Variants in GLCCI1 observed in about 807,000 individuals in gnomAD.
The protein encoded by GLCCI1 is glucocorticoid-induced transcript 1 protein.
GLCCI1 carries 24 observed loss-of-function variants against 52.2 expected under a neutral mutation model. The ratio of observed to expected loss-of-function variants is 0.46; its 90% CI spans 0.33 to 0.65. The LOEUF (loss-of-function observed/expected upper bound fraction) is 0.65. GLCCI1 is among the 30% of genes least tolerant of loss of function. GLCCI1 has a pLI of 0.02. For synonymous variants in GLCCI1, 310 were observed against 276.5 expected, an observed-to-expected ratio of 1.12 and a Z score of -1.20; for missense variants, 704 against 701.5, an observed-to-expected ratio of 1.00 and a Z score of -0.04.
chr7:8,003,956 G>A lies in GLCCI1; in HGVS notation c.506G>A (p.Arg169Gln), dbSNP rs267601577. The change falls in exon 2 of 8, where the codon CGA becomes CAA. Residue 169 changes from arginine (R) to glutamine (Q), a missense_variant. By Grantham distance (43) the Arg-to-Gln change is conservative. This residue lies in a region of GLCCI1 where 547 missense variants were observed against 524.8 expected (regional missense o/e 1.04). Coordinates refer to ENST00000223145, the MANE Select transcript of GLCCI1 (RefSeq NM_138426.4). ...GTTCGGACCTCTAGTACAATAAGGC[G>A]AACCTCCTCTTTGGATACAATAACA... Reference protein sequence around the residue: ...QQVRTSSTIRRTSSLDTITGP... With the variant: ...QQVRTSSTIRQTSSLDTITGP... 4 of 1,613,502 alleles carry A rather than the reference G, an allele frequency of 2.5e-6. No individual in the cohort carries two copies. Among genetic ancestry groups the A allele is most frequent in the South Asian group, 2.2e-5 (2 of 91,030 alleles).
At chr7:8,043,719 A>C (rs1286515347) in intron 3 of GLCCI1, among the ~76,000 whole-genome samples, 2 of 152,190 alleles carry the variant, frequency 1.3e-5, no homozygotes, top group Non-Finnish European at 2.9e-5. Context: ...AAGTTAATGG[A>C]ATGTAAATTA....
intron 3 of GLCCI1, among the ~76,000 whole-genome samples, chr7:8,041,007 C>G (rs1362092201): frequency 6.6e-6 from 1 of 152,112 alleles, no homozygotes; most frequent in Non-Finnish European, 1.5e-5. Flanking sequence ...AATGATTAAG[C>G]TTAGTGAGGA....
intron 5 of GLCCI1, among the ~76,000 whole-genome samples, chr7:8,066,466 C>T (rs189681816): frequency 6.6e-6 from 1 of 151,612 alleles, no homozygotes; most frequent in African/African-American, 2.4e-5. Flanking sequence ...TCTAGTCCCT[C>T]TATATGTGAT....
chr7:8,002,072 G>A (rs1202085763), intron 1 of GLCCI1, among the ~76,000 whole-genome samples: 2 of 151,732 alleles, frequency 1.3e-5, no homozygotes, highest in East Asian at 1.9e-4. Flanking sequence ...TTGTGCACAT[G>A]TACCCTAGAA....
chr7:8,027,688 A>G (rs1781652225), intron 3 of GLCCI1, among the ~76,000 whole-genome samples: 1 of 152,136 alleles, frequency 6.6e-6, no homozygotes, highest in Non-Finnish European at 1.5e-5. Flanking sequence ...ATGGATGAAA[A>G]AAAAAAAAGA....
chr7:8,080,997 T>C (rs1782982956), intron 6 of GLCCI1, among the ~76,000 whole-genome samples: 1 of 152,084 alleles, frequency 6.6e-6, no homozygotes, highest in South Asian at 2.1e-4. Flanking sequence ...CTTTTACATA[T>C]ATTTTTCACA....
chr7:7,974,501 C>A (rs1780422809), intron 1 of GLCCI1, among the ~76,000 whole-genome samples: 1 of 152,182 alleles, frequency 6.6e-6, no homozygotes, highest in Middle Eastern at 3.4e-3. Context: ...AGGATTTGTA[C>A]TTTGGGGAAA....
At chr7:7,998,372 C>T (rs779824883) in intron 1 of GLCCI1, among the ~76,000 whole-genome samples, 12 of 152,068 alleles carry the variant, frequency 7.9e-5, no homozygotes, top group African/African-American at 1.2e-4. Context: ...CCCTCCACCA[C>T]GCCCAGCTAA....
intron 3 of GLCCI1, among the ~76,000 whole-genome samples, chr7:8,033,386 T>C (rs1285745418): frequency 1.3e-5 from 2 of 152,106 alleles, no homozygotes; most frequent in Non-Finnish European, 2.9e-5. Flanking sequence ...TATTCATTAC[T>C]GTACAGGAGA....
rs570961119 is a variant in GLCCI1, at chr7:7,993,705, T to A, written c.458-10203T>A. 3.3e-5 allele frequency among the ~76,000 whole-genome samples: 5 copies of A among 152,298 alleles called. No homozygotes were observed. The South Asian group carries it at 1.0e-3, about 32-fold the overall frequency. On this transcript the variant is annotated intron_variant, in intron 1 of 7. Transcript: ENST00000223145. ...TATGCTTTCTCCCAACTCATTTATA[T>A]TTGGTGTTTTGTGGAGATATTTTGT...
At position 7,969,510 on chromosome 7, in the gene GLCCI1, G is replaced by A. The variant is rs1173170070; in HGVS notation, c.160G>A (p.Ala54Thr). 18 of 997,360 alleles carry A rather than the reference G, an allele frequency of 1.8e-5. No individual in the cohort carries two copies. The South Asian group carries it at 7.2e-4, about 40-fold the overall frequency. The allele number at this position is 997,360 out of a possible 1,614,324, so 61.8% of individuals were successfully genotyped here. Residue 54 changes from alanine (A) to threonine (T), a missense_variant, in exon 1 of 8, where the codon GCT becomes ACT. Ala to Thr is a moderately conservative substitution (Grantham distance 58, BLOSUM62 0). This residue lies in a region of GLCCI1 where 547 missense variants were observed against 524.8 expected (regional missense o/e 1.04). Coordinates refer to ENST00000223145, the MANE Select transcript of GLCCI1 (RefSeq NM_138426.4). The surrounding 1 kb of genome is among the most constrained non-coding windows in gnomAD (Gnocchi z 4.9). ...GGGGGVGCAPAAGAGRLLQPI... is the reference protein window; with the variant it reads ...GGGGGVGCAPTAGAGRLLQPI... ...CGGCGGCGGCGTGGGCTGCGCCCCG[G>A]CTGCGGGAGCCGGCCGGCTGCTGCA...
chr7:8,001,378 C>T (rs1251955106), intron 1 of GLCCI1, among the ~76,000 whole-genome samples: 1 of 152,176 alleles, frequency 6.6e-6, no homozygotes, highest in Non-Finnish European at 1.5e-5. Flanking sequence ...CCACTCTCTT[C>T]TGGCTGCAAA....
At chr7:8,016,597 A>G (rs1781386806) in intron 2 of GLCCI1, among the ~76,000 whole-genome samples, 1 of 152,242 alleles carries the variant, frequency 6.6e-6, no homozygotes, top group Non-Finnish European at 1.5e-5. Flanking sequence ...GAATGAATAA[A>G]TGAATGATTG....
rs572631719 is a variant in GLCCI1, at chr7:8,070,719, A to C, written c.967-202A>C. On this transcript the variant is annotated intron_variant, in intron 5 of 7. Coordinates refer to ENST00000223145, the MANE Select transcript of GLCCI1 (RefSeq NM_138426.4). ...GAGCTATGGAATTTTTAAGGCAAAC[A>C]ATTTGATTTAAAAGAAATGTTTAGT... is the stretch of plus-strand genomic sequence containing the variant. 1.3e-4 allele frequency: 70 copies of C among 542,170 alleles called. No individual in the cohort carries two copies. In the East Asian group the frequency reaches 2.2e-3, roughly 17 times the overall value. The allele number at this position is 542,170 out of a possible 1,614,324, so 33.6% of individuals were successfully genotyped here. A position where few individuals can be genotyped will look rare whatever the true frequency, so the allele number is the denominator to read the frequency against.
At chr7:8,034,263 A>G (rs1027321919) in intron 3 of GLCCI1, among the ~76,000 whole-genome samples, 3 of 152,212 alleles carry the variant, frequency 2.0e-5, no homozygotes, top group Non-Finnish European at 4.4e-5. Context: ...TCAGTGAATC[A>G]TAATCCTAAA....
At chr7:8,054,404 G>T (rs1160029903) in intron 3 of GLCCI1, among the ~76,000 whole-genome samples, 1 of 152,146 alleles carries the variant, frequency 6.6e-6, no homozygotes, top group South Asian at 2.1e-4. Flanking sequence ...AACTTAAAAG[G>T]ATCTAAAGAT....
rs146512458 is a variant in GLCCI1 at position 8,080,512 on chromosome 7, A to G, written c.1178-4385A>G. On this transcript the variant is annotated intron_variant, in intron 6 of 7. Transcript: ENST00000223145. ...TCAGGATGATAGATCTCTTTACACT[A>G]AAGGATGCCATCATGAACTGACAGA... Among the ~76,000 whole-genome samples the G allele has an allele frequency of 9.1e-4, 138 of 151,620 alleles. 2 individuals carry two copies. The highest frequency in any genetic ancestry group is 8.5e-3 in the Admixed American group (130 of 15,278).
chr7:7,970,337 T>A (rs987521658), intron 1 of GLCCI1: 2 of 152,078 alleles, frequency 1.3e-5, no homozygotes, highest in Non-Finnish European at 2.9e-5. Context: ...GAATGTACAA[T>A]TGAAGTGTAT....
intron 1 of GLCCI1, among the ~76,000 whole-genome samples, chr7:7,972,872 A>G (rs894201707): frequency 6.6e-6 from 1 of 152,234 alleles, no homozygotes; most frequent in Non-Finnish European, 1.5e-5. Context: ...TAAATTGCCA[A>G]ATACCTTGCT....
Sources: allele counts gnomAD v4.1 joint callset (sites outside exome capture counted in the v4.1 genomes callset), GRCh38; gene constraint gnomAD v4.1.1; regional missense constraint gnomAD v4.1.1; non-coding constraint Gnocchi (gnomAD v3.1); transcripts MANE v1.5; gene names NCBI Gene and HGNC (gene_info 2026-07-23, HGNC 2026-07-21).